GRID2: variants seen among roughly 807,000 people sequenced by gnomAD.
GRID2 encodes the protein glutamate ionotropic receptor delta type subunit 2.
In GRID2, 33 loss-of-function variants were observed where a neutral mutation model predicts 114.8. The ratio of observed to expected loss-of-function variants is 0.29; its 90% confidence interval spans 0.22 to 0.38. GRID2 has a LOEUF of 0.38. Ranked by LOEUF, GRID2 falls within the 10% of genes least tolerant of loss-of-function variation. The pLI, the probability that GRID2 is intolerant of heterozygous loss-of-function variation, is 1.00. For synonymous variants in GRID2, 505 were observed against 449.9 expected (o/e 1.12, Z -1.55); for missense variants, 1,184 against 1,257.7 (o/e 0.94, Z 0.89).
intron 2 of GRID2, among the ~76,000 whole-genome samples, chr4:92,603,135 G>T (rs1729299072): frequency 6.6e-6 from 1 of 152,038 alleles, no homozygotes; most frequent in Non-Finnish European, 1.5e-5. Flanking sequence ...TCAAAGCAAT[G>T]TATAGATTCA....
intron 2 of GRID2, among the ~76,000 whole-genome samples, chr4:92,650,825 A>G (rs1731891966): frequency 6.6e-6 from 1 of 151,948 alleles, no homozygotes; most frequent in African/African-American, 2.4e-5. Flanking sequence ...TATCAGAGAA[A>G]CAGAACCACA....
intron 13 of GRID2, among the ~76,000 whole-genome samples, chr4:93,602,706 T>C (rs1195824167): frequency 1.3e-5 from 2 of 152,184 alleles, no homozygotes; most frequent in African/African-American, 4.8e-5. Flanking sequence ...CCCTGAGACA[T>C]AGCAATTTTG....
intron 8 of GRID2, among the ~76,000 whole-genome samples, chr4:93,375,096 C>T (rs1456607184): frequency 6.6e-6 from 1 of 152,114 alleles, no homozygotes; most frequent in Non-Finnish European, 1.5e-5. Context: ...ATTTCATAAA[C>T]CGTAACCTAA....
intron 1 of GRID2, among the ~76,000 whole-genome samples, chr4:92,308,176 G>T (rs1320623654): frequency 6.6e-6 from 1 of 152,150 alleles, no homozygotes; most frequent in Non-Finnish European, 1.5e-5. Flanking sequence ...CTTTAATTCA[G>T]CAGGGATTAG....
At chr4:93,361,063 TC>T (rs1200120095) in intron 8 of GRID2, among the ~76,000 whole-genome samples, 17 of 152,006 alleles carry the variant, frequency 1.1e-4, no homozygotes, top group African/African-American at 2.9e-4. Flanking sequence ...GCTTCTTTTT[TC>T]TTTTTTCATT....
chr4:93,562,091 C>T (rs1734980100), intron 13 of GRID2, among the ~76,000 whole-genome samples: 1 of 152,046 alleles, frequency 6.6e-6, no homozygotes, highest in Non-Finnish European at 1.5e-5. Context: ...TTTAGTAAGA[C>T]ACCACCAAAC....
intron 2 of GRID2, among the ~76,000 whole-genome samples, chr4:92,623,455 A>G (rs550673210): frequency 6.6e-6 from 1 of 151,842 alleles, no homozygotes; most frequent in Non-Finnish European, 1.5e-5. Flanking sequence ...CAAAGCCATA[A>G]TATTTACTTA....
chr4:92,325,223 G>T (rs1489806703), intron 1 of GRID2, among the ~76,000 whole-genome samples: 1 of 151,750 alleles, frequency 6.6e-6, no homozygotes, highest in African/African-American at 2.4e-5. Context: ...AGCACTTATG[G>T]ACAATTAATT....
At chr4:93,253,180 C>G (rs929801329) in intron 8 of GRID2, among the ~76,000 whole-genome samples, 11 of 151,658 alleles carry the variant, frequency 7.3e-5, no homozygotes, top group African/African-American at 2.4e-4. Context: ...GGCGTGAACC[C>G]GGGAGGTGGA....
At chr4:92,913,096 A>T (rs1578450338) in intron 2 of GRID2, among the ~76,000 whole-genome samples, 1 of 152,004 alleles carries the variant, frequency 6.6e-6, no homozygotes, top group East Asian at 1.9e-4. Context: ...TAATAAAATA[A>T]ATGAAAATAT....
At chr4:93,745,977 T>G (rs532427854) in intron 14 of GRID2, among the ~76,000 whole-genome samples, 1 of 152,162 alleles carries the variant, frequency 6.6e-6, no homozygotes, top group South Asian at 2.1e-4. Context: ...TGTCTGATTC[T>G]GTGAGCTCTA....
At chr4:92,990,402 C>T (rs976973571) in intron 2 of GRID2, among the ~76,000 whole-genome samples, 1 of 151,362 alleles carries the variant, frequency 6.6e-6, no homozygotes, top group African/African-American at 2.4e-5. Flanking sequence ...AAGTGATTCT[C>T]CTGGGTTCAA....
At chr4:93,779,394 G>A (rs1176261395), downstream of GRID2, among the ~76,000 whole-genome samples, 1 of 152,002 alleles carries the variant, frequency 6.6e-6, no homozygotes, top group African/African-American at 2.4e-5. Context: ...CAAGTGCCTG[G>A]GCCAGCTGTG....
At chr4:92,440,319 G>A (rs1282874624) in intron 1 of GRID2, among the ~76,000 whole-genome samples, 2 of 145,746 alleles carry the variant, frequency 1.4e-5, no homozygotes, top group Admixed American at 6.8e-5. Flanking sequence ...GTATTGAGGT[G>A]GGAAGGCTAA....
At chr4:93,757,298 G>A (rs1732834323) in intron 14 of GRID2, among the ~76,000 whole-genome samples, 1 of 152,232 alleles carries the variant, frequency 6.6e-6, no homozygotes, top group Admixed American at 6.5e-5. Context: ...TCTCCAGCGT[G>A]GTTCTGGTTC....
chr4:93,603,190 AC>A (rs1739875089), intron 13 of GRID2, among the ~76,000 whole-genome samples: 1 of 152,150 alleles, frequency 6.6e-6, no homozygotes, highest in African/African-American at 2.4e-5. Context: ...AGCCTAGGGG[AC>A]AAAAGCAAGA....
chr4:93,503,792 T>C (rs112335106), intron 12 of GRID2, among the ~76,000 whole-genome samples: 11,490 of 152,068 alleles, frequency 0.076, 892 homozygotes, highest in African/African-American at 0.2. Context: ...ATATCAACTA[T>C]ACCAATGAGA....
rs541328193 is a variant in GRID2 at position 93,111,272 on chromosome 4, G to A, written c.735+319G>A. ...TCAAGAATAAATTCACAAGTGCACA[G>A]CTCTCTAACTAATCCTTAGTAATTT... is the stretch of plus-strand genomic sequence containing the variant. On this transcript the variant is annotated intron_variant, in intron 4 of 15. Coordinates refer to ENST00000282020, the MANE Select transcript of GRID2 (RefSeq NM_001510.4). Among the ~76,000 whole-genome samples the A allele has an allele frequency of 5.3e-5, 8 of 152,264 alleles. No individual in the cohort carries two copies. The South Asian group carries it at 1.7e-3, about 32-fold the overall frequency.
chr4:92,896,638 C>T (rs1356017836), intron 2 of GRID2, among the ~76,000 whole-genome samples: 1 of 151,822 alleles, frequency 6.6e-6, no homozygotes, highest in Non-Finnish European at 1.5e-5. Context: ...ACATTGAATT[C>T]ATTTACATCA....
Sources: allele counts gnomAD v4.1 joint callset (sites outside exome capture counted in the v4.1 genomes callset), GRCh38; gene constraint gnomAD v4.1.1; transcripts MANE v1.5; gene names NCBI Gene and HGNC (gene_info 2026-07-23, HGNC 2026-07-21).